Variants in UBE2R2 observed in about 807,000 individuals in gnomAD.
The protein encoded by UBE2R2 is ubiquitin conjugating enzyme E2 R2, also known as ubiquitin-conjugating enzyme E2 R2.
Under a neutral mutation model 27.8 loss-of-function variants are expected in UBE2R2, and 1 was observed. The ratio of observed to expected loss-of-function variants is 0.04; its 90% CI spans 0.01 to 0.17. The LOEUF (loss-of-function observed/expected upper bound fraction) is 0.17. UBE2R2 is among the 10% of genes least tolerant of loss of function. UBE2R2 has a pLI of 1.00. For synonymous variants in UBE2R2, 106 were observed against 113.3 expected, an observed-to-expected ratio of 0.94 and a Z score of 0.41; for missense variants, 100 against 291.0, an observed-to-expected ratio of 0.34 and a Z score of 4.78.
chr9:33,843,035 CAG>C (rs1820763646), intron 1 of UBE2R2, among the ~76,000 whole-genome samples: 1 of 117,136 alleles, frequency 8.5e-6, no homozygotes, highest in African/African-American at 3.1e-5. Context: ...AAAAAAAAAA[CAG>C]ACCACTTTTT....
At chr9:33,891,339 CTT>C (rs1197204177) in intron 2 of UBE2R2, among the ~76,000 whole-genome samples, 1 of 149,354 alleles carries the variant, frequency 6.7e-6, no homozygotes, top group Non-Finnish European at 1.5e-5. Flanking sequence ...ACACCCAGCT[CTT>C]ATGTTTTTAA....
At chr9:33,874,250 A>G (rs150020407) in intron 1 of UBE2R2, among the ~76,000 whole-genome samples, 7 of 152,176 alleles carry the variant, frequency 4.6e-5, no homozygotes, top group South Asian at 2.1e-4. Context: ...GCCCAGCCTT[A>G]ACTTAGTTTT....
At chr9:33,905,641 TA>T (rs1167906117) in intron 3 of UBE2R2, among the ~76,000 whole-genome samples, 2 of 152,226 alleles carry the variant, frequency 1.3e-5, no homozygotes, top group East Asian at 3.8e-4. Context: ...AGAAACTTTA[TA>T]ATAATGTAAA....
intron 1 of UBE2R2, among the ~76,000 whole-genome samples, chr9:33,869,139 C>T (rs1451586695): frequency 6.6e-6 from 1 of 151,988 alleles, no homozygotes; most frequent in Non-Finnish European, 1.5e-5. Flanking sequence ...TGTGGTGGTG[C>T]AGGCCTCTAG....
chr9:33,891,462 T>A (rs4879731), intron 2 of UBE2R2, among the ~76,000 whole-genome samples: 151,768 of 152,078 alleles, frequency 1, 75,730 homozygotes, highest in Middle Eastern at 1. Context: ...CCTGGCCAAC[T>A]CAGTGAAATC....
At chr9:33,902,015 G>T (rs1482340659) in intron 3 of UBE2R2, among the ~76,000 whole-genome samples, 1 of 150,988 alleles carries the variant, frequency 6.6e-6, no homozygotes, top group Non-Finnish European at 1.5e-5. Context: ...CCGGGCTTGA[G>T]CAATCCTTCC....
chr9:33,825,209 C>T (rs1320085472), intron 1 of UBE2R2, among the ~76,000 whole-genome samples: 1 of 141,006 alleles, frequency 7.1e-6, no homozygotes, highest in Non-Finnish European at 1.5e-5. Flanking sequence ...AGGCAAACAA[C>T]AAAAACAAAA....
intron 1 of UBE2R2, among the ~76,000 whole-genome samples, chr9:33,870,238 G>T (rs1821458029): frequency 6.6e-6 from 1 of 152,076 alleles, no homozygotes; most frequent in Non-Finnish European, 1.5e-5. Context: ...TGCCTCCTGG[G>T]TTCAAGCGAT....
chr9:33,917,385 C>T lies in UBE2R2; in HGVS notation c.*148C>T. On this transcript the variant is annotated 3_prime_UTR_variant, in exon 5 of 5. Coordinates refer to ENST00000263228, the MANE Select transcript of UBE2R2 (RefSeq NM_017811.4). ...GCTCCTGCTGACTCCCCTTATGGATCTCAGTTTGCTCCTTTTTATGGACCT... is the reference window on the plus strand; with the variant it reads ...GCTCCTGCTGACTCCCCTTATGGATTTCAGTTTGCTCCTTTTTATGGACCT... 8.3e-7 allele frequency: 1 copy of T among 1,206,500 alleles called. No homozygotes were observed. Among genetic ancestry groups the T allele is most frequent in the South Asian group, 1.5e-5 (1 of 66,754 alleles). 74.7% of individuals were successfully genotyped at this position (1,206,500 alleles called of 1,614,324 possible).
At chr9:33,850,023 C>A (rs898744043) in intron 1 of UBE2R2, among the ~76,000 whole-genome samples, 1 of 152,056 alleles carries the variant, frequency 6.6e-6, no homozygotes, top group African/African-American at 2.4e-5. Context: ...ATATTTTTTC[C>A]TGCCTCCAAA....
intron 1 of UBE2R2, among the ~76,000 whole-genome samples, chr9:33,845,062 C>T (rs184585227): frequency 1.3e-5 from 2 of 152,158 alleles, no homozygotes; most frequent in East Asian, 3.9e-4. Flanking sequence ...AGCCACCAAG[C>T]CCTGCCTTCA....
chr9:33,846,123 C>CA (rs35915082), intron 1 of UBE2R2, among the ~76,000 whole-genome samples: 98,460 of 135,202 alleles, frequency 0.73, 35,621 homozygotes, highest in East Asian at 0.82. Context: ...GACTCCGTCT[C>CA]AAAAAAAAAA....
intron 2 of UBE2R2, among the ~76,000 whole-genome samples, chr9:33,893,318 T>C (rs761637118): frequency 4.3e-4 from 65 of 152,252 alleles, no homozygotes; most frequent in Non-Finnish European, 7.1e-4. Context: ...TCATATAGTA[T>C]GTGACATTTT....
At chr9:33,873,530 G>A (rs1418844900) in intron 1 of UBE2R2, among the ~76,000 whole-genome samples, 2 of 152,180 alleles carry the variant, frequency 1.3e-5, no homozygotes, top group African/African-American at 4.8e-5. Flanking sequence ...TTCCATATGT[G>A]ACCTAAACAT....
At chr9:33,884,428 C>T (rs895502560) in intron 1 of UBE2R2, among the ~76,000 whole-genome samples, 2 of 151,330 alleles carry the variant, frequency 1.3e-5, no homozygotes, top group Non-Finnish European at 2.9e-5. Flanking sequence ...GGACCACAGA[C>T]ACCACCATAC....
intron 3 of UBE2R2, among the ~76,000 whole-genome samples, chr9:33,910,981 G>A (rs1053870285): frequency 1.3e-5 from 2 of 152,150 alleles, no homozygotes; most frequent in Non-Finnish European, 1.5e-5. Flanking sequence ...TACAATGCCT[G>A]TAATCCCAGC....
intron 1 of UBE2R2, among the ~76,000 whole-genome samples, chr9:33,862,757 G>A (rs1006967915): frequency 5.3e-5 from 8 of 151,860 alleles, no homozygotes; most frequent in African/African-American, 1.2e-4. Context: ...CTCATATAAC[G>A]CTTTGAAAAA....
intron 1 of UBE2R2, among the ~76,000 whole-genome samples, chr9:33,859,610 C>T (rs1283336115): frequency 2.6e-5 from 4 of 152,010 alleles, no homozygotes; most frequent in Non-Finnish European, 5.9e-5. Context: ...AAAATTTTTA[C>T]AGAAGCATTG....
At chr9:33,854,780 A>G (rs1426237081) in intron 1 of UBE2R2, among the ~76,000 whole-genome samples, 2 of 149,738 alleles carry the variant, frequency 1.3e-5, no homozygotes, top group African/African-American at 4.9e-5. Flanking sequence ...GTGCAGTGGC[A>G]TGATCACAGC....
Sources: allele counts gnomAD v4.1 joint callset (sites outside exome capture counted in the v4.1 genomes callset), GRCh38; gene constraint gnomAD v4.1.1; transcripts MANE v1.5; gene names NCBI Gene and HGNC (gene_info 2026-07-23, HGNC 2026-07-21).